The following CPNE4 variants were observed in gnomAD, a reference collection of about 807,000 sequenced individuals.
CPNE4 encodes copine 4, also known as copine-4.
CPNE4 carries 25 observed loss-of-function variants against 67.9 expected under a neutral mutation model. The ratio of observed to expected loss-of-function variants is 0.37; its 90% CI spans 0.27 to 0.51. The LOEUF (loss-of-function observed/expected upper bound fraction) is 0.51, where lower values mean the gene tolerates loss of function less well. Ranked by LOEUF, CPNE4 falls within the 20% of genes least tolerant of loss-of-function variation. The pLI is 0.93. For missense variants in CPNE4, 464 were observed against 690.8 expected (o/e 0.67, Z 3.68); for synonymous variants, 242 against 244.9 (o/e 0.99, Z 0.11).
Position 131,587,591 on chromosome 3 carries a change from G to T in CPNE4, c.682-9C>A, listed in dbSNP as rs772664659. On this transcript the variant is annotated splice_polypyrimidine_tract_variant and intron_variant, in intron 7 of 15. Transcript: ENST00000429747. ...CAGTCCCATACTATGCACTGTAAGA[G>T]AAAACAATGATCTTTCTTAAAAAAT... The T allele has an allele frequency of 1.3e-6, 2 of 1,582,844 alleles. No individual in the cohort carries two copies. Among genetic ancestry groups the T allele is most frequent in the African/African-American group, 2.7e-5 (2 of 74,304 alleles).
intron 2 of CPNE4, among the ~76,000 whole-genome samples, chr3:131,744,629 GT>G (rs1344521638): frequency 6.6e-6 from 1 of 152,140 alleles, no homozygotes; most frequent in Non-Finnish European, 1.5e-5. Flanking sequence ...CCATTAATGT[GT>G]TCTCTATTTC....
intron 1 of CPNE4, among the ~76,000 whole-genome samples, chr3:132,032,682 T>A (rs1177352604): frequency 6.6e-6 from 1 of 152,196 alleles, no homozygotes; most frequent in Non-Finnish European, 1.5e-5. Context: ...TAACTCTGAG[T>A]CCTGACCTGC....
chr3:131,860,244 C>T (rs556903344), intron 2 of CPNE4, among the ~76,000 whole-genome samples: 41 of 152,208 alleles, frequency 2.7e-4, no homozygotes, highest in South Asian at 6.2e-4. Flanking sequence ...AAAGCTAATC[C>T]GCCAGAGTTA....
rs2085312581 is a variant in CPNE4, at chr3:131,830,203, C to T, written c.180+75061G>A. ...ACTGTCCTCTTGTTCTTACACACTC[C>T]ATATCCAATTCATCCAGAAATTGTT... On this transcript the variant is annotated intron_variant, in intron 2 of 15. Transcript: ENST00000429747. 4.6e-5 allele frequency among the ~76,000 whole-genome samples: 7 copies of T among 152,252 alleles called. No homozygotes were observed. The South Asian group carries it at 1.2e-3, about 27-fold the overall frequency.
At chr3:131,690,203 T>TGGAACAAAAAA (rs2081002387) in intron 5 of CPNE4, among the ~76,000 whole-genome samples, 1 of 152,100 alleles carries the variant, frequency 6.6e-6, no homozygotes, top group Non-Finnish European at 1.5e-5. Flanking sequence ...AAAATTCATA[T>TGGAACAAAAAA]GGAACAAAAA....
intron 2 of CPNE4, among the ~76,000 whole-genome samples, chr3:131,857,454 G>A (rs1197917348): frequency 6.6e-6 from 1 of 151,928 alleles, no homozygotes; most frequent in Non-Finnish European, 1.5e-5. Flanking sequence ...GTAAATGTTT[G>A]GCTAAACAGT....
intron 1 of CPNE4, among the ~76,000 whole-genome samples, chr3:131,929,997 T>C (rs1052434196): frequency 6.6e-6 from 1 of 152,158 alleles, no homozygotes; most frequent in Admixed American, 6.5e-5. Context: ...CTATTACAAA[T>C]GTACTGTGGA....
chr3:131,669,818 A>G (rs1331310174), intron 6 of CPNE4, 54 bp from the exon 7 acceptor site: 1 of 1,337,852 alleles, frequency 7.5e-7, no homozygotes, highest in Non-Finnish European at 1.1e-6. Flanking sequence ...TGACATTTTC[A>G]CATTTCCACA....
At chr3:131,899,338 C>T (rs2088462832) in intron 2 of CPNE4, among the ~76,000 whole-genome samples, 1 of 152,094 alleles carries the variant, frequency 6.6e-6, no homozygotes, top group African/African-American at 2.4e-5. Context: ...TTAAAGACCC[C>T]ACATTGCCAG....
chr3:131,607,274 G>T (rs878910321), intron 7 of CPNE4, among the ~76,000 whole-genome samples: 1 of 151,350 alleles, frequency 6.6e-6, no homozygotes, highest in Admixed American at 6.6e-5. Context: ...TTTTGGCAGT[G>T]TTAAGCAGGG....
At chr3:131,540,396 AG>A (rs1315313695) in intron 15 of CPNE4, among the ~76,000 whole-genome samples, 40 of 152,338 alleles carry the variant, frequency 2.6e-4, no homozygotes, top group African/African-American at 9.6e-4. Context: ...GAGGCTGCTG[AG>A]CTGGTGATCT....
chr3:131,945,794 A>G (rs2071535821), intron 1 of CPNE4, among the ~76,000 whole-genome samples: 1 of 152,214 alleles, frequency 6.6e-6, no homozygotes, highest in Non-Finnish European at 1.5e-5. Context: ...AGAATATGAT[A>G]CACTGAGTCA....
At chr3:131,668,610 T>C (rs1560083131) in intron 7 of CPNE4, among the ~76,000 whole-genome samples, 1 of 152,200 alleles carries the variant, frequency 6.6e-6, no homozygotes. Flanking sequence ...GTTGTGTTTT[T>C]CACTGAACAT....
At chr3:131,861,737 A>T (rs1583348822) in intron 2 of CPNE4, among the ~76,000 whole-genome samples, 1 of 150,970 alleles carries the variant, frequency 6.6e-6, no homozygotes, top group Non-Finnish European at 1.5e-5. Flanking sequence ...CCGGCCTAGG[A>T]TATCTCATCT....
intron 9 of CPNE4, among the ~76,000 whole-genome samples, chr3:131,578,329 G>T (rs1024106182): frequency 5.3e-5 from 8 of 152,074 alleles, no homozygotes; most frequent in Non-Finnish European, 1.2e-4. Context: ...ACATAAGATG[G>T]TGAACTTAAT....
intron 6 of CPNE4, among the ~76,000 whole-genome samples, chr3:131,672,432 T>C (rs989224231): frequency 6.6e-6 from 1 of 152,168 alleles, no homozygotes. Context: ...ATTATACTAA[T>C]TTACATTTCC....
chr3:131,976,340 A>T (rs568200131), intron 1 of CPNE4, among the ~76,000 whole-genome samples: 2 of 152,184 alleles, frequency 1.3e-5, no homozygotes, highest in African/African-American at 4.8e-5. Flanking sequence ...ACAAACAAAC[A>T]AATGAAAACA....
intron 1 of CPNE4, among the ~76,000 whole-genome samples, chr3:131,951,363 C>G (rs1251258138): frequency 6.6e-6 from 1 of 152,032 alleles, no homozygotes; most frequent in Non-Finnish European, 1.5e-5. Context: ...CCTCTGAACT[C>G]CTTTGTTATT....
intron 1 of CPNE4, among the ~76,000 whole-genome samples, chr3:131,927,465 C>T (rs1017786095): frequency 1.4e-5 from 2 of 146,086 alleles, no homozygotes; most frequent in Non-Finnish European, 3.0e-5. Context: ...TCATGTGGCT[C>T]AATTACTACT....
Sources: gnomAD v4.1 joint callset for allele counts (sites outside exome capture counted in the v4.1 genomes callset) on GRCh38, gnomAD v4.1.1 for gene constraint, MANE v1.5 for transcripts, NCBI Gene and HGNC (gene_info 2026-07-23, HGNC 2026-07-21) for gene names.